SEMA5B: variants seen among roughly 807,000 people sequenced by gnomAD.
The protein encoded by SEMA5B is semaphorin 5B.
In SEMA5B, 66 loss-of-function variants were observed where a neutral mutation model predicts 135.0. The observed-to-expected ratio is 0.49, with a 90% confidence interval of 0.40 to 0.60. The LOEUF is 0.60. SEMA5B is among the 20% of genes least tolerant of loss of function. The pLI, the probability that SEMA5B is intolerant of heterozygous loss-of-function variation, is 0.00. For missense variants in SEMA5B, 1,501 were observed against 1,566.3 expected (o/e 0.96, Z 0.70); for synonymous variants, 690 against 639.5 (o/e 1.08, Z -1.19).
At chr3:122,940,728 ATCT>A (rs1393236673) in intron 4 of SEMA5B, among the ~76,000 whole-genome samples, 1 of 152,116 alleles carries the variant, frequency 6.6e-6, no homozygotes, top group Non-Finnish European at 1.5e-5. Context: ...GGCCCCACTC[ATCT>A]TCTTTGCTGT....
At chr3:122,937,793 T>G (rs959648423) in intron 5 of SEMA5B, among the ~76,000 whole-genome samples, 3 of 152,082 alleles carry the variant, frequency 2.0e-5, no homozygotes, top group African/African-American at 7.2e-5. Context: ...CTATTTCTCT[T>G]CCTCCCTTCA....
chr3:122,968,940 C>T (rs573980238), intron 1 of SEMA5B, among the ~76,000 whole-genome samples: 41 of 152,306 alleles, frequency 2.7e-4, no homozygotes, highest in African/African-American at 7.0e-4. Flanking sequence ...CCAATGCTTA[C>T]GTCTGACTCA....
Position 122,966,987 on chromosome 3 carries a change from C to T in SEMA5B, c.-38-5686G>A, listed in dbSNP as rs553267547. ...ACAACCTCTGCCTCCTGGGTTCAAGCGATTCTCCTGCCTCAGCCTCCTGAG... is the reference window on the plus strand; with the variant it reads ...ACAACCTCTGCCTCCTGGGTTCAAGTGATTCTCCTGCCTCAGCCTCCTGAG... On this transcript the variant is annotated intron_variant, in intron 1 of 22. Transcript: ENST00000357599. Among the ~76,000 whole-genome samples the T allele has an allele frequency of 9.3e-3, 1,407 of 151,466 alleles. 14 individuals are homozygous for T. Among genetic ancestry groups the T allele is most frequent in the Non-Finnish European group, 0.013 (915 of 67,908 alleles).
intron 4 of SEMA5B, among the ~76,000 whole-genome samples, chr3:122,941,336 T>G (rs774640938): frequency 1.6e-4 from 24 of 152,218 alleles, no homozygotes; most frequent in Non-Finnish European, 3.1e-4. Flanking sequence ...TCCCTCCATC[T>G]TTGTGTGGGA....
intron 1 of SEMA5B, among the ~76,000 whole-genome samples, chr3:122,962,560 C>T (rs1479481173): frequency 1.3e-5 from 2 of 152,216 alleles, no homozygotes; most frequent in Non-Finnish European, 2.9e-5. Context: ...AAAAGAAATT[C>T]ATCAACACCG....
chr3:122,942,952 G>C (rs1481163728), intron 4 of SEMA5B, among the ~76,000 whole-genome samples: 1 of 152,186 alleles, frequency 6.6e-6, no homozygotes, highest in African/African-American at 2.4e-5. Flanking sequence ...ACTGTCTGTT[G>C]ATATTGGATC....
At chr3:123,001,133 T>C (rs1343358297) in intron 1 of SEMA5B, among the ~76,000 whole-genome samples, 1 of 152,084 alleles carries the variant, frequency 6.6e-6, no homozygotes, top group African/African-American at 2.4e-5. Flanking sequence ...CTGGAGAAGA[T>C]GGAAAGGCTG....
chr3:122,975,635 A>C (rs935469677), intron 1 of SEMA5B, among the ~76,000 whole-genome samples: 4 of 152,122 alleles, frequency 2.6e-5, no homozygotes, highest in African/African-American at 7.2e-5. Flanking sequence ...CACTCAATAA[A>C]TGTCAGTCAC....
intron 1 of SEMA5B, among the ~76,000 whole-genome samples, chr3:122,963,082 A>T (rs1303722556): frequency 6.6e-6 from 1 of 152,188 alleles, no homozygotes; most frequent in East Asian, 1.9e-4. Flanking sequence ...TCCCTCCTAC[A>T]TACTCAACGA....
At chr3:122,990,902 A>G (rs993228961) in intron 1 of SEMA5B, among the ~76,000 whole-genome samples, 1 of 152,208 alleles carries the variant, frequency 6.6e-6, no homozygotes, top group East Asian at 1.9e-4. Flanking sequence ...TCCCGAAGGC[A>G]GGGCTCACCT....
intron 1 of SEMA5B, among the ~76,000 whole-genome samples, chr3:122,999,367 C>T (rs1942111616): frequency 6.6e-6 from 1 of 152,050 alleles, no homozygotes; most frequent in South Asian, 2.1e-4. Flanking sequence ...GCTGGGATTA[C>T]AGGCGCCTGT....
chr3:122,933,778 A>T (rs1576345964), intron 5 of SEMA5B, among the ~76,000 whole-genome samples: 1 of 151,842 alleles, frequency 6.6e-6, no homozygotes, highest in East Asian at 1.9e-4. Context: ...CTTCAACATT[A>T]TTTTCTAATC....
At chr3:122,940,697 C>T (rs918209081) in intron 4 of SEMA5B, among the ~76,000 whole-genome samples, 3 of 152,186 alleles carry the variant, frequency 2.0e-5, no homozygotes, top group Non-Finnish European at 4.4e-5. Flanking sequence ...GCTTCTCTTC[C>T]CAGCTCTGGC....
At chr3:122,965,000 G>A (rs1018956519) in intron 1 of SEMA5B, among the ~76,000 whole-genome samples, 2 of 152,222 alleles carry the variant, frequency 1.3e-5, no homozygotes, top group East Asian at 1.9e-4. Flanking sequence ...AGGGTGAGGA[G>A]GCTGGTGTTT....
intron 3 of SEMA5B, among the ~76,000 whole-genome samples, chr3:122,946,684 A>G (rs1162920844): frequency 1.3e-5 from 2 of 152,154 alleles, no homozygotes; most frequent in African/African-American, 4.8e-5. Flanking sequence ...TTAACCAACA[A>G]TACGAGATCA....
rs534827304 is a variant in SEMA5B at position 122,941,394 on chromosome 3, G to A, written c.429-1924C>T. On this transcript the variant is annotated intron_variant, in intron 4 of 22. Transcript: ENST00000357599. The stretch of plus-strand genomic sequence containing the variant: ...CCACCTTCTGGGGAAGCCGCAGAGC[G>A]GATGAGGAAGAACAGTGTGACCACA... Among the ~76,000 whole-genome samples, 29 of 152,340 alleles carry A rather than the reference G, an allele frequency of 1.9e-4. No individual in the cohort carries two copies. In the South Asian group the frequency reaches 4.3e-3, roughly 23 times the overall value.
At chr3:123,022,047 ATCAAGAAGCGACTGCAATATCCAT>A (rs1020905841) in intron 1 of SEMA5B, among the ~76,000 whole-genome samples, 16 of 152,266 alleles carry the variant, frequency 1.1e-4, no homozygotes, top group Admixed American at 3.9e-4. Context: ...CTCCTGGAAA[ATCAAGAAGCGACTGCAATATCCAT>A]TCAAAACCAC....
intron 5 of SEMA5B, among the ~76,000 whole-genome samples, chr3:122,934,852 T>G (rs374324678): frequency 7.4e-6 from 1 of 135,980 alleles, no homozygotes; most frequent in African/African-American, 2.8e-5. Context: ...CTAGCCTTAG[T>G]GACAGAGTCA....
chr3:122,984,427 G>A (rs895492275), intron 1 of SEMA5B, among the ~76,000 whole-genome samples: 4 of 152,188 alleles, frequency 2.6e-5, no homozygotes, highest in Admixed American at 2.6e-4. Flanking sequence ...CTTTGCTGTC[G>A]CTTGTCAGTC....
Sources: gnomAD v4.1 joint callset for allele counts (sites outside exome capture counted in the v4.1 genomes callset) on GRCh38, gnomAD v4.1.1 for gene constraint, MANE v1.5 for transcripts, NCBI Gene and HGNC (gene_info 2026-07-23, HGNC 2026-07-21) for gene names.